The following SRGAP1 variants were observed in gnomAD, a reference collection of about 807,000 sequenced individuals.
The protein encoded by SRGAP1 is SLIT-ROBO Rho GTPase-activating protein 1.
In SRGAP1, 43 loss-of-function variants were observed where a neutral mutation model predicts 121.9. The observed-to-expected ratio is 0.35, with a 90% CI of 0.28 to 0.46. The LOEUF (loss-of-function observed/expected upper bound fraction) is 0.46. Ranked by LOEUF, SRGAP1 falls within the 20% of genes least tolerant of loss-of-function variation. The pLI is 1.00. For missense variants in SRGAP1, 1,102 were observed against 1,350.9 expected, an observed-to-expected ratio of 0.82 and a Z score of 2.89; for synonymous variants, 447 against 485.4, an observed-to-expected ratio of 0.92 and a Z score of 1.04.
At chr12:63,944,724 A>G (rs1202841774) in intron 1 of SRGAP1, among the ~76,000 whole-genome samples, 1 of 152,238 alleles carries the variant, frequency 6.6e-6, no homozygotes, top group East Asian at 1.9e-4. Context: ...TGCCTTTGAT[A>G]GTGCAGAGAA....
At chr12:64,033,271 A>T (rs1364414907) in intron 4 of SRGAP1, among the ~76,000 whole-genome samples, 6 of 152,126 alleles carry the variant, frequency 3.9e-5, no homozygotes, top group Non-Finnish European at 5.9e-5. Flanking sequence ...ATTTGTTTGG[A>T]TTATAAATAT....
chr12:64,020,399 A>G (rs1459192367), intron 4 of SRGAP1, among the ~76,000 whole-genome samples: 1 of 152,192 alleles, frequency 6.6e-6, no homozygotes, highest in East Asian at 1.9e-4. Context: ...ACTGAAAGGA[A>G]AGGCTTTGAA....
Position 64,048,474 on chromosome 12 carries a change from TG to T in SRGAP1, c.801+4900del, listed in dbSNP as rs2035177072. ...GCTGCAGTAAACATGGGAATGCAGA[TG>T]TCTCTTTGTTGTAATGATTTTCTTT... is the stretch of plus-strand genomic sequence containing the variant. On this transcript the variant is annotated intron_variant, in intron 6 of 21. Coordinates refer to ENST00000355086, the MANE Select transcript of SRGAP1 (RefSeq NM_020762.4). Among the ~76,000 whole-genome samples the T allele has an allele frequency of 5.3e-5, 8 of 152,316 alleles. No individual in the cohort carries two copies. The South Asian group carries it at 1.7e-3, about 32-fold the overall frequency.
At chr12:63,855,607 C>T (rs1899223347) in intron 1 of SRGAP1, among the ~76,000 whole-genome samples, 1 of 145,778 alleles carries the variant, frequency 6.9e-6, no homozygotes, top group Admixed American at 7.2e-5. Context: ...TCTCATGCCT[C>T]AGCTTCCCAA....
At chr12:64,026,739 G>A (rs747173047) in intron 4 of SRGAP1, among the ~76,000 whole-genome samples, 14 of 151,522 alleles carry the variant, frequency 9.2e-5, no homozygotes, top group South Asian at 2.1e-4. Flanking sequence ...GGTGATGCGC[G>A]CCTGTAATCC....
At chr12:64,078,547 TACTC>T (rs2035778931) in intron 8 of SRGAP1, among the ~76,000 whole-genome samples, 1 of 152,218 alleles carries the variant, frequency 6.6e-6, no homozygotes, top group African/African-American at 2.4e-5. Flanking sequence ...GTCTGATTGT[TACTC>T]ACATAGGTGT....
chr12:64,132,334 T>TA (rs1447531946), intron 21 of SRGAP1, among the ~76,000 whole-genome samples: 1 of 152,198 alleles, frequency 6.6e-6, no homozygotes, highest in African/African-American at 2.4e-5. Flanking sequence ...TGATGGGTCA[T>TA]ATGGCCCAAG....
At chr12:64,047,819 A>G (rs1254755568) in intron 6 of SRGAP1, among the ~76,000 whole-genome samples, 1 of 152,170 alleles carries the variant, frequency 6.6e-6, no homozygotes, top group African/African-American at 2.4e-5. Flanking sequence ...AAGCAAATAT[A>G]AAGTGATCAC....
chr12:63,891,431 T>A (rs1214573635), intron 1 of SRGAP1, among the ~76,000 whole-genome samples: 2 of 152,216 alleles, frequency 1.3e-5, no homozygotes, highest in African/African-American at 4.8e-5. Flanking sequence ...TTGACTTCCA[T>A]CCAAACTGAT....
Position 63,911,191 on chromosome 12 carries a change from C to T in SRGAP1, c.67+66308C>T, listed in dbSNP as rs535664678. Among the ~76,000 whole-genome samples the T allele has an allele frequency of 6.7e-5, 10 of 150,002 alleles. 1 individual carries two copies. In the East Asian group the frequency reaches 2.0e-3, roughly 30 times the overall value. On this transcript the variant is annotated intron_variant, in intron 1 of 21. Transcript: ENST00000355086. ...GCAGGCACGTGTAGTCCCAGCTACT[C>T]AGGAGGCTGAGGCAGGAGAATGGCG... is the stretch of plus-strand genomic sequence containing the variant.
At chr12:64,115,619 G>A (rs945690553) in intron 17 of SRGAP1, among the ~76,000 whole-genome samples, 195 bp from the exon 18 acceptor site, 2 of 152,054 alleles carry the variant, frequency 1.3e-5, no homozygotes, top group African/African-American at 4.8e-5. Flanking sequence ...AAATTAGTCA[G>A]GTGTGGTGGT....
chr12:64,039,408 C>T (rs912414871), intron 4 of SRGAP1, among the ~76,000 whole-genome samples: 2 of 152,198 alleles, frequency 1.3e-5, no homozygotes, highest in Admixed American at 6.5e-5. Flanking sequence ...TATCCTTTCT[C>T]TCAGGCTTAG....
chr12:64,121,447 G>A (rs928087607), intron 18 of SRGAP1, among the ~76,000 whole-genome samples: 2 of 151,558 alleles, frequency 1.3e-5, no homozygotes, highest in Admixed American at 6.6e-5. Context: ...TAGAGACAGG[G>A]CCTTCCTGTG....
intron 8 of SRGAP1, among the ~76,000 whole-genome samples, chr12:64,078,149 G>A (rs927300059): frequency 3.9e-5 from 6 of 152,142 alleles, no homozygotes; most frequent in African/African-American, 1.4e-4. Flanking sequence ...CCACTCTGCT[G>A]GTGAGAATGT....
At chr12:63,861,327 T>G (rs951627772) in intron 1 of SRGAP1, among the ~76,000 whole-genome samples, 73 of 146,118 alleles carry the variant, frequency 5.0e-4, no homozygotes, top group Admixed American at 1.4e-4. Flanking sequence ...TGAGGCAAAG[T>G]CTTGCTCTGT....
intron 4 of SRGAP1, among the ~76,000 whole-genome samples, chr12:64,036,472 A>G (rs1448741004): frequency 1.3e-5 from 2 of 152,226 alleles, no homozygotes; most frequent in East Asian, 1.9e-4. Flanking sequence ...TTGATAAGAA[A>G]CCCAAAGAAT....
At chr12:64,077,314 G>A (rs554034271) in intron 8 of SRGAP1, among the ~76,000 whole-genome samples, 113 of 151,996 alleles carry the variant, frequency 7.4e-4, no homozygotes, top group Middle Eastern at 3.4e-3. Flanking sequence ...AATAAAAGAC[G>A]TTGTCAAGTC....
intron 4 of SRGAP1, among the ~76,000 whole-genome samples, chr12:64,039,879 C>G (rs542849266): frequency 6.6e-6 from 1 of 152,146 alleles, no homozygotes; most frequent in South Asian, 2.1e-4. Context: ...TGCTTTTAAA[C>G]TGGAGTAGCC....
chr12:63,895,586 C>A (rs925229562), intron 1 of SRGAP1, among the ~76,000 whole-genome samples: 1 of 152,090 alleles, frequency 6.6e-6, no homozygotes, highest in African/African-American at 2.4e-5. Flanking sequence ...AAGTGAGATA[C>A]CTGAATTTGA....
Sources: gnomAD v4.1 joint callset for allele counts (sites outside exome capture counted in the v4.1 genomes callset) on GRCh38, gnomAD v4.1.1 for gene constraint, MANE v1.5 for transcripts, NCBI Gene and HGNC (gene_info 2026-07-23, HGNC 2026-07-21) for gene names.